The following GLIS3 variants were observed in gnomAD, a reference collection of about 807,000 sequenced individuals.
GLIS3 encodes GLIS family zinc finger 3.
A neutral mutation model predicts 78.6 loss-of-function variants in GLIS3; 53 were observed. The ratio of observed to expected loss-of-function variants is 0.67; its 90% CI spans 0.54 to 0.85. The LOEUF (loss-of-function observed/expected upper bound fraction) is 0.85, where lower values mean the gene tolerates loss of function less well. Ranked by LOEUF, GLIS3 falls within the 40% of genes least tolerant of loss-of-function variation. The probability of loss-of-function intolerance (pLI) is 0.00; values close to 1 mark genes in which losing one functional copy is unlikely to be tolerated. For synonymous variants in GLIS3, 684 were observed against 509.9 expected (o/e 1.34, Z -4.60); for missense variants, 1,703 against 1,231.1 (o/e 1.38, Z -5.74).
At chr9:4,413,078 T>C in the GLIS3 span, among the ~76,000 whole-genome samples, 1 of 152,220 alleles carries the variant, frequency 6.6e-6, no homozygotes, top group South Asian at 2.1e-4. Flanking sequence ...CCCTAACAAA[T>C]ACAACATGCT....
intron 4 of GLIS3, among the ~76,000 whole-genome samples, chr9:4,064,929 AT>A (rs1319039621): frequency 6.6e-6 from 1 of 152,152 alleles, no homozygotes; most frequent in African/African-American, 2.4e-5. Context: ...AGCTGTAAGT[AT>A]TTGTAGATGT....
chr9:4,247,748 A>G (rs972466638), intron 2 of GLIS3, among the ~76,000 whole-genome samples: 1 of 151,782 alleles, frequency 6.6e-6, no homozygotes, highest in African/African-American at 2.4e-5. Context: ...CCAAGATTAT[A>G]AACCGAAAAA....
intron 3 of GLIS3, 134 bp from the exon 4 acceptor site, chr9:4,119,015 C>T (rs1420915151): frequency 2.1e-6 from 2 of 944,366 alleles, no homozygotes; most frequent in Admixed American, 2.3e-5. Flanking sequence ...GTGCTAAACA[C>T]ACATTCTTGG....
At chr9:3,909,867 C>G (rs1417481505) in intron 6 of GLIS3, among the ~76,000 whole-genome samples, 1 of 152,210 alleles carries the variant, frequency 6.6e-6, no homozygotes, top group African/African-American at 2.4e-5. Context: ...TTGATAGCCA[C>G]TAGCCATGTG....
chr9:4,180,068 G>A (rs149802763), intron 2 of GLIS3, among the ~76,000 whole-genome samples: 3 of 152,052 alleles, frequency 2.0e-5, no homozygotes, highest in Non-Finnish European at 4.4e-5. Flanking sequence ...TAGAGACTCC[G>A]CCACCTCTAA....
intron 1 of GLIS3, among the ~76,000 whole-genome samples, chr9:4,290,525 T>C (rs1828362629): frequency 6.6e-6 from 1 of 152,124 alleles, no homozygotes; most frequent in African/African-American, 2.4e-5. Context: ...GCCAGAAGAA[T>C]CTAGAAATGA....
chr9:4,118,683 G>A lies in GLIS3; in HGVS notation c.795C>T (p.Val265=). ...PPGTSMSSNS[V]SNSLPSYLFG... Reference sequence around the variant, plus strand: ...AAAGGTAGGATGGTAATGAGTTAGAGACACTATTGCTGGACATGGATGTCC... The same window carrying A: ...AAAGGTAGGATGGTAATGAGTTAGAAACACTATTGCTGGACATGGATGTCC... Residue 265 remains valine, a synonymous_variant, in exon 4 of 11, where the codon GTC becomes GTT. Transcript: ENST00000381971. This position sits in a 1 kb window ranked among gnomAD's most constrained non-coding sequence, Gnocchi z 4.7. 3 of 1,614,134 alleles carry A rather than the reference G, an allele frequency of 1.9e-6. No individual in the cohort carries two copies. The highest frequency in any genetic ancestry group is 2.5e-6 in the Non-Finnish European group (3 of 1,180,016).
intron 4 of GLIS3, among the ~76,000 whole-genome samples, chr9:4,068,396 T>C (rs1243785440): frequency 6.6e-6 from 1 of 152,098 alleles, no homozygotes; most frequent in African/African-American, 2.4e-5. Flanking sequence ...AAAATTAATC[T>C]GAATGAAAAA....
chr9:4,261,277 C>T (rs1427956443), intron 2 of GLIS3, among the ~76,000 whole-genome samples: 1 of 152,178 alleles, frequency 6.6e-6, no homozygotes, highest in Non-Finnish European at 1.5e-5. Flanking sequence ...GTGAGCAGCT[C>T]TTTCCTCTGG....
chr9:3,870,854 CTTCCTAACAG>C (rs577164854), intron 8 of GLIS3, among the ~76,000 whole-genome samples: 3 of 152,236 alleles, frequency 2.0e-5, no homozygotes, highest in Non-Finnish European at 4.4e-5. Context: ...CCAATCATGC[CTTCCTAACAG>C]TTCCCCAAAG....
intron 1 of GLIS3, among the ~76,000 whole-genome samples, chr9:4,291,616 G>T (rs1024289955): frequency 3.3e-5 from 5 of 152,028 alleles, no homozygotes; most frequent in Non-Finnish European, 7.4e-5. Flanking sequence ...AAAGGGAGAG[G>T]AAGGGAGTAG....
At chr9:4,085,859 C>A (rs1828978922) in intron 4 of GLIS3, among the ~76,000 whole-genome samples, 1 of 152,144 alleles carries the variant, frequency 6.6e-6, no homozygotes, top group African/African-American at 2.4e-5. Context: ...TTCCTGAGGC[C>A]TCCACAGAAG....
chr9:4,007,198 T>C (rs1040414756), intron 4 of GLIS3, among the ~76,000 whole-genome samples: 2 of 152,116 alleles, frequency 1.3e-5, no homozygotes, highest in Non-Finnish European at 2.9e-5. Context: ...TGAGCCTGCT[T>C]GGTGCTGCCC....
At chr9:3,871,958 G>T (rs1820997437) in intron 8 of GLIS3, among the ~76,000 whole-genome samples, 1 of 152,180 alleles carries the variant, frequency 6.6e-6, no homozygotes, top group South Asian at 2.1e-4. Context: ...TTTTAAAACT[G>T]AATGCTTTTA....
rs148049738 is a variant in GLIS3 at position 4,338,651 on chromosome 9, G to A, written n.264+8430C>T. Among the ~76,000 whole-genome samples the A allele has an allele frequency of 3.9e-5, 6 of 152,268 alleles. No homozygotes were observed. In the East Asian group the frequency reaches 1.2e-3, roughly 29 times the overall value. ...GGCATTGTTCTGCATGAAGTTTGGG[G>A]ACAGACCCAGGGAGAAAAAGGAACT... On this transcript the variant is annotated intron_variant and non_coding_transcript_variant, in intron 2 of 4. Coordinates refer to the GLIS3 transcript ENST00000471664.
At chr9:3,882,023 G>A (rs1424156657) in intron 7 of GLIS3, among the ~76,000 whole-genome samples, 2 of 152,106 alleles carry the variant, frequency 1.3e-5, no homozygotes, top group African/African-American at 4.8e-5. Context: ...CATTACATTT[G>A]CTCTATATGC....
the GLIS3 span, among the ~76,000 whole-genome samples, chr9:4,457,991 A>G: frequency 6.6e-6 from 1 of 151,972 alleles, no homozygotes; most frequent in Non-Finnish European, 1.5e-5. Flanking sequence ...CACAAACCCC[A>G]CTCAAAGCTG....
At chr9:4,020,828 T>C (rs1414742697) in intron 4 of GLIS3, among the ~76,000 whole-genome samples, 1 of 152,226 alleles carries the variant, frequency 6.6e-6, no homozygotes, top group Non-Finnish European at 1.5e-5. Flanking sequence ...AAATTCTCTC[T>C]TGCTGCCACC....
At chr9:3,991,682 GAT>G (rs1563926598) in intron 4 of GLIS3, among the ~76,000 whole-genome samples, 4 of 100,734 alleles carry the variant, frequency 4.0e-5, no homozygotes, top group Admixed American at 3.7e-4. Flanking sequence ...TAAGTAGGCT[GAT>G]TTTTTTTTTT....
Sources: gnomAD v4.1 joint callset for allele counts (sites outside exome capture counted in the v4.1 genomes callset) on GRCh38, gnomAD v4.1.1 for gene constraint, Gnocchi (gnomAD v3.1) non-coding constraint, MANE v1.5 for transcripts, NCBI Gene and HGNC (gene_info 2026-07-23, HGNC 2026-07-21) for gene names.